Variants in KCNIP4 observed in about 807,000 individuals in gnomAD.
The protein encoded by KCNIP4 is potassium voltage-gated channel interacting protein 4.
KCNIP4 carries 12 observed loss-of-function variants against 34.0 expected under a neutral mutation model. The ratio of observed to expected loss-of-function variants is 0.35; its 90% CI spans 0.23 to 0.57. The LOEUF is 0.57. Ranked by LOEUF, KCNIP4 falls within the 20% of genes least tolerant of loss-of-function variation. KCNIP4 has a pLI of 0.83. For missense variants in KCNIP4, 238 were observed against 311.7 expected (o/e 0.76, Z 1.78); for synonymous variants, 124 against 102.2 (o/e 1.21, Z -1.29).
At chr4:21,136,934 C>G (rs1751542337) in intron 1 of KCNIP4, among the ~76,000 whole-genome samples, 2 of 152,128 alleles carry the variant, frequency 1.3e-5, no homozygotes, top group East Asian at 1.9e-4. Flanking sequence ...TGATGCTATA[C>G]AAGCTCAGCT....
chr4:21,222,548 T>A (rs928512187), intron 1 of KCNIP4, among the ~76,000 whole-genome samples: 1 of 152,182 alleles, frequency 6.6e-6, no homozygotes, highest in Non-Finnish European at 1.5e-5. Flanking sequence ...CACAAGGTGT[T>A]TTACTCATGA....
chr4:21,057,594 T>C (rs1055265389), intron 1 of KCNIP4, among the ~76,000 whole-genome samples: 3 of 152,192 alleles, frequency 2.0e-5, no homozygotes, highest in African/African-American at 7.2e-5. Context: ...AGTCGAACAA[T>C]AGTGTCTCCA....
At chr4:20,761,417 C>G (rs1344534039) in intron 3 of KCNIP4, among the ~76,000 whole-genome samples, 2 of 152,260 alleles carry the variant, frequency 1.3e-5, no homozygotes, top group East Asian at 3.9e-4. Flanking sequence ...AACATTTTGA[C>G]TATCTATCTA....
At chr4:21,833,898 T>G (rs1009542302) in intron 1 of KCNIP4, among the ~76,000 whole-genome samples, 14 of 152,188 alleles carry the variant, frequency 9.2e-5, no homozygotes, top group African/African-American at 3.4e-4. Context: ...GATCAGATAG[T>G]TGTAGATATG....
At chr4:21,332,368 A>T (rs1210886786) in intron 1 of KCNIP4, among the ~76,000 whole-genome samples, 1 of 151,846 alleles carries the variant, frequency 6.6e-6, no homozygotes, top group African/African-American at 2.4e-5. Context: ...TATGGTGATG[A>T]CTCCAGATTT....
chr4:21,552,894 G>A (rs1000282190), intron 1 of KCNIP4, among the ~76,000 whole-genome samples: 1 of 152,072 alleles, frequency 6.6e-6, no homozygotes, highest in South Asian at 2.1e-4. Context: ...CTGAGTTAAA[G>A]TAGGGTGTAA....
At chr4:20,952,035 A>C (rs1163596132) in intron 1 of KCNIP4, among the ~76,000 whole-genome samples, 2 of 152,218 alleles carry the variant, frequency 1.3e-5, no homozygotes, top group Non-Finnish European at 2.9e-5. Flanking sequence ...TACGCAGTAA[A>C]TATAAGTGAA....
intron 1 of KCNIP4, among the ~76,000 whole-genome samples, chr4:21,288,417 AAGAG>A (rs1052911805): frequency 3.3e-5 from 5 of 152,208 alleles, no homozygotes; most frequent in African/African-American, 1.2e-4. Flanking sequence ...AGAACAAAAA[AAGAG>A]AGAGAAAATG....
intron 1 of KCNIP4, among the ~76,000 whole-genome samples, chr4:21,699,194 C>T (rs1396420934): frequency 6.6e-6 from 1 of 152,138 alleles, no homozygotes; most frequent in African/African-American, 2.4e-5. Context: ...GAATAGAATG[C>T]ATATTTTATT....
chr4:20,957,437 T>TA (rs1733426209), intron 1 of KCNIP4, among the ~76,000 whole-genome samples: 1 of 152,136 alleles, frequency 6.6e-6, no homozygotes, highest in Admixed American at 6.6e-5. Context: ...AGAGGTTGAG[T>TA]AAAGGGTCCA....
chr4:21,529,833 A>G (rs1271725298), intron 1 of KCNIP4, among the ~76,000 whole-genome samples: 1 of 152,304 alleles, frequency 6.6e-6, no homozygotes, highest in African/African-American at 2.4e-5. Flanking sequence ...CTTTCTTAAC[A>G]TGAAATACAT....
chr4:21,770,545 T>C (rs1422140294), intron 1 of KCNIP4, among the ~76,000 whole-genome samples: 1 of 152,222 alleles, frequency 6.6e-6, no homozygotes, highest in East Asian at 1.9e-4. Flanking sequence ...TCTTCCACAA[T>C]GGCTGAACTA....
intron 1 of KCNIP4, among the ~76,000 whole-genome samples, chr4:21,888,729 C>T (rs950521798): frequency 2.6e-5 from 4 of 152,086 alleles, no homozygotes; most frequent in African/African-American, 9.7e-5. Context: ...GGCTTCTGCT[C>T]CTGCTCAGAG....
At chr4:21,120,712 C>G (rs1469480517) in intron 1 of KCNIP4, among the ~76,000 whole-genome samples, 1 of 152,164 alleles carries the variant, frequency 6.6e-6, no homozygotes, top group Non-Finnish European at 1.5e-5. Context: ...AATCGCTTCC[C>G]ACCAGTTCTC....
intron 1 of KCNIP4, among the ~76,000 whole-genome samples, chr4:21,247,892 GATAT>G (rs778784103): frequency 3.6e-5 from 4 of 110,468 alleles, no homozygotes; most frequent in South Asian, 2.7e-4. Flanking sequence ...ACCACAGGTA[GATAT>G]ATATATATAT....
At chr4:21,340,527 T>C (rs1012128249) in intron 1 of KCNIP4, among the ~76,000 whole-genome samples, 1 of 152,138 alleles carries the variant, frequency 6.6e-6, no homozygotes, top group African/African-American at 2.4e-5. Flanking sequence ...ACAGCAGTTA[T>C]GGTATAGTAC....
intron 1 of KCNIP4, among the ~76,000 whole-genome samples, chr4:21,211,694 A>G (rs893562340): frequency 1.3e-5 from 2 of 152,140 alleles, no homozygotes; most frequent in African/African-American, 4.8e-5. Context: ...TATGCTGGGC[A>G]CTAGCTATAT....
chr4:20,813,930 C>A (rs1270165915), intron 3 of KCNIP4, among the ~76,000 whole-genome samples: 6 of 152,172 alleles, frequency 3.9e-5, no homozygotes, highest in Admixed American at 3.9e-4. Flanking sequence ...CAAGTCACTG[C>A]AGTTGTAGTT....
chr4:21,070,629 T>C (rs1744806208), intron 1 of KCNIP4, among the ~76,000 whole-genome samples: 1 of 151,474 alleles, frequency 6.6e-6, no homozygotes, highest in South Asian at 2.1e-4. Flanking sequence ...TCATTTTCTA[T>C]TTGAATTGTC....
Sources: gnomAD v4.1 joint callset for allele counts (sites outside exome capture counted in the v4.1 genomes callset) on GRCh38, gnomAD v4.1.1 for gene constraint, MANE v1.5 for transcripts, NCBI Gene and HGNC (gene_info 2026-07-23, HGNC 2026-07-21) for gene names.